The following ARID5B variants were observed in gnomAD, a reference collection of about 807,000 sequenced individuals.
The protein encoded by ARID5B is AT-rich interactive domain-containing protein 5B.
In ARID5B, 13 loss-of-function variants were observed where a neutral mutation model predicts 97.2. The observed-to-expected ratio is 0.13, with a 90% CI of 0.09 to 0.21. ARID5B has a LOEUF of 0.21. Among genes scored for constraint, ARID5B ranks in the 10% least tolerant of loss-of-function variants. ARID5B has a pLI of 1.00. For missense variants in ARID5B, 1,210 were observed against 1,465.3 expected, an observed-to-expected ratio of 0.83 and a Z score of 2.84; for synonymous variants, 556 against 570.3, an observed-to-expected ratio of 0.97 and a Z score of 0.36.
intron 4 of ARID5B, among the ~76,000 whole-genome samples, chr10:62,013,828 CTT>C (rs1318857740): frequency 7.0e-6 from 1 of 142,376 alleles, no homozygotes; most frequent in African/African-American, 2.5e-5. Flanking sequence ...CACATTTTCT[CTT>C]TTAATTTTTA....
Position 62,055,694 on chromosome 10 carries a change from T to A in ARID5B, c.847-1423T>A, listed in dbSNP as rs545436709. Among the ~76,000 whole-genome samples, 73 of 152,296 alleles carry A rather than the reference T, an allele frequency of 4.8e-4. 1 individual carries two copies. Among genetic ancestry groups the A allele is most frequent in the South Asian group, 6.2e-4 (3 of 4,830 alleles). ...TTCCATAGCCCCTTAAAAGTTAAAA[T>A]CCTACCTAGAAGCCCCATTGAATCA... On this transcript the variant is annotated intron_variant, in intron 5 of 9. Coordinates refer to ENST00000279873, the MANE Select transcript of ARID5B (RefSeq NM_032199.3).
intron 2 of ARID5B, among the ~76,000 whole-genome samples, chr10:61,909,234 C>G (rs1301779382): frequency 6.6e-6 from 1 of 152,062 alleles, no homozygotes. Flanking sequence ...CTATGCTCCC[C>G]CCACCATAGT....
intron 2 of ARID5B, among the ~76,000 whole-genome samples, chr10:61,932,214 A>G (rs567980300): frequency 6.6e-6 from 1 of 152,302 alleles, no homozygotes; most frequent in South Asian, 2.1e-4. Flanking sequence ...TATGTCTAAA[A>G]AAAAAGTACA....
chr10:62,067,856 C>T (rs577557172), intron 7 of ARID5B, among the ~76,000 whole-genome samples: 7 of 152,228 alleles, frequency 4.6e-5, no homozygotes, highest in East Asian at 3.9e-4. Flanking sequence ...GTCATGGATG[C>T]GAAAATCCTT....
rs1237705272 is a variant in ARID5B at position 62,069,876 on chromosome 10, GA to G, written c.1199+81del. On this transcript the variant is annotated intron_variant, in intron 8 of 9. Transcript: ENST00000279873. ...GCTTCTGGTCAAGGATAAGACAGAG[GA>G]AGTCTAAATGACCTTTTGGGAAACT... The G allele has an allele frequency of 4.2e-6, 6 of 1,427,654 alleles. No homozygotes were observed. The African/African-American group carries it at 8.6e-5, about 20-fold the overall frequency. 88.4% of individuals were successfully genotyped at this position (1,427,654 alleles called of 1,614,324 possible).
intron 3 of ARID5B, among the ~76,000 whole-genome samples, chr10:61,972,568 A>G (rs968597759): frequency 1.3e-5 from 2 of 152,106 alleles, no homozygotes; most frequent in African/African-American, 4.8e-5. Flanking sequence ...GCTCTTTCAC[A>G]CAGTAAATAT....
intron 3 of ARID5B, among the ~76,000 whole-genome samples, chr10:61,947,353 C>T (rs1023445538): frequency 6.9e-6 from 1 of 145,756 alleles, no homozygotes; most frequent in African/African-American, 2.6e-5. Context: ...ACTGTAACGT[C>T]TGCTTCCTGG....
chr10:61,963,578 G>A (rs923208594), intron 3 of ARID5B, among the ~76,000 whole-genome samples: 2 of 151,986 alleles, frequency 1.3e-5, no homozygotes, highest in African/African-American at 4.8e-5. Context: ...GTCTCTCCCT[G>A]ACTGGACCAG....
At chr10:62,084,180 T>C (rs1589290851) in intron 8 of ARID5B, among the ~76,000 whole-genome samples, 1 of 152,318 alleles carries the variant, frequency 6.6e-6, no homozygotes, top group East Asian at 1.9e-4. Context: ...TCCTTGCTCA[T>C]ACCTTGTCCA....
chr10:62,035,441 GGGTGCCA>G (rs1285065292), intron 4 of ARID5B, among the ~76,000 whole-genome samples: 3 of 152,162 alleles, frequency 2.0e-5, no homozygotes, highest in African/African-American at 7.2e-5. Flanking sequence ...TTTCAGTACA[GGGTGCCA>G]GGTGCCAGGA....
chr10:62,025,538 T>C (rs1459813584), intron 4 of ARID5B, among the ~76,000 whole-genome samples: 1 of 152,218 alleles, frequency 6.6e-6, no homozygotes, highest in Admixed American at 6.5e-5. Context: ...CTTGTGGTCA[T>C]GCTACTATAT....
At position 62,000,404 on chromosome 10, in the gene ARID5B, G is replaced by C; in HGVS notation, c.733+83G>C. The C allele has an allele frequency of 7.8e-7, 1 of 1,289,404 alleles. No homozygotes were observed. Among genetic ancestry groups the C allele is most frequent in the South Asian group, 1.4e-5 (1 of 70,932 alleles). 79.9% of individuals were successfully genotyped at this position (1,289,404 alleles called of 1,614,324 possible). ...CAGTTCTTCTGAAGAGCGGTGATGG[G>C]GAACGGGGCTCACTTTCACAAGCCC... On this transcript the variant is annotated intron_variant, in intron 4 of 9. Coordinates refer to ENST00000279873, the MANE Select transcript of ARID5B (RefSeq NM_032199.3). The surrounding 1 kb of genome is among the most constrained non-coding windows in gnomAD (Gnocchi z 4.4).
chr10:62,090,833 TCTGA>T (rs1840358031), intron 9 of ARID5B, 25 bp from the exon 10 acceptor site: 1 of 1,533,072 alleles, frequency 6.5e-7, no homozygotes, highest in African/African-American at 1.4e-5. Context: ...TTGGTTTTCT[TCTGA>T]CTGTCTTTTG....
intron 3 of ARID5B, among the ~76,000 whole-genome samples, chr10:61,955,898 G>A (rs945642923): frequency 1.3e-4 from 20 of 152,034 alleles, no homozygotes; most frequent in Admixed American, 1.0e-3. Flanking sequence ...TGATCCACCC[G>A]CCTCAGCCTC....
chr10:62,082,644 A>G (rs570300069), intron 8 of ARID5B, among the ~76,000 whole-genome samples: 9 of 152,354 alleles, frequency 5.9e-5, no homozygotes, highest in Non-Finnish European at 1.0e-4. Flanking sequence ...ACATAGGGCA[A>G]TGTTGACCTA....
intron 2 of ARID5B, among the ~76,000 whole-genome samples, chr10:61,902,734 C>T (rs1253862368): frequency 1.3e-5 from 2 of 151,256 alleles, no homozygotes; most frequent in Admixed American, 1.3e-4. Context: ...TGCTCTCCTG[C>T]TATTGCCTCT....
At position 62,018,901 on chromosome 10, in the gene ARID5B, A is replaced by T. The variant is rs533568948; in HGVS notation, c.733+18580A>T. Among the ~76,000 whole-genome samples, 3 of 152,250 alleles carry T rather than the reference A, an allele frequency of 2.0e-5. No individual in the cohort carries two copies. The South Asian group carries it at 6.2e-4, about 32-fold the overall frequency. On this transcript the variant is annotated intron_variant, in intron 4 of 9. Transcript: ENST00000279873. ...CAGGTTCTGTTAGACATCACAGTAA[A>T]GTAATTCTTTACTGCTTGCTTTACT...
chr10:62,033,400 A>G (rs1284952492), intron 4 of ARID5B, among the ~76,000 whole-genome samples: 2 of 152,210 alleles, frequency 1.3e-5, no homozygotes, highest in African/African-American at 2.4e-5. Flanking sequence ...CACAGAATCA[A>G]TTATCACCAA....
chr10:62,040,143 A>ACT (rs139249443), intron 4 of ARID5B, among the ~76,000 whole-genome samples: 4,650 of 151,496 alleles, frequency 0.031, 354 homozygotes, highest in Admixed American at 0.17. Flanking sequence ...CTCCATTCTC[A>ACT]CTCTCTCTCT....
Sources: allele counts gnomAD v4.1 joint callset (sites outside exome capture counted in the v4.1 genomes callset), GRCh38; gene constraint gnomAD v4.1.1; non-coding constraint Gnocchi (gnomAD v3.1); transcripts MANE v1.5; gene names NCBI Gene and HGNC (gene_info 2026-07-23, HGNC 2026-07-21).